Variants in LTBP1 observed in about 807,000 individuals in gnomAD.
LTBP1 encodes the protein latent transforming growth factor beta binding protein 1, also known as latent-transforming growth factor beta-binding protein 1.
Under a neutral mutation model 207.6 loss-of-function variants are expected in LTBP1, and 129 were observed. The observed-to-expected ratio is 0.62, with a 90% CI of 0.54 to 0.72. LTBP1 has a LOEUF of 0.72. LTBP1 is among the 30% of genes least tolerant of loss of function. The pLI is 0.00. For missense variants in LTBP1, 2,281 were observed against 2,217.2 expected (o/e 1.03, Z -0.58); for synonymous variants, 963 against 833.7 (o/e 1.16, Z -2.67).
chr2:33,092,118 T>A (rs1434181471), intron 3 of LTBP1, among the ~76,000 whole-genome samples: 1 of 152,120 alleles, frequency 6.6e-6, no homozygotes, highest in African/African-American at 2.4e-5. Context: ...GTTAAAAAAA[T>A]TATGGACCCC....
At chr2:33,312,628 CAT>C (rs1007791291) in intron 23 of LTBP1, among the ~76,000 whole-genome samples, 18 of 152,178 alleles carry the variant, frequency 1.2e-4, no homozygotes, top group African/African-American at 4.1e-4. Context: ...AAATTGAATG[CAT>C]ATGTTTCCCT....
chr2:33,130,513 CTGTT>C (rs1403479429), intron 4 of LTBP1, among the ~76,000 whole-genome samples: 1 of 152,188 alleles, frequency 6.6e-6, no homozygotes, highest in Non-Finnish European at 1.5e-5. Flanking sequence ...AGACTGATGT[CTGTT>C]TGTCAAGCAC....
intron 3 of LTBP1, among the ~76,000 whole-genome samples, chr2:33,021,474 G>A (rs550336476): frequency 3.3e-5 from 5 of 152,260 alleles, no homozygotes; most frequent in South Asian, 4.1e-4. Context: ...AAGACTGGAA[G>A]GGAATGATAA....
chr2:33,222,519 A>G (rs919269275), intron 9 of LTBP1, among the ~76,000 whole-genome samples: 3 of 152,200 alleles, frequency 2.0e-5, no homozygotes, highest in Non-Finnish European at 4.4e-5. Flanking sequence ...TTCATTGCCA[A>G]TGCATGGTTG....
chr2:33,215,293 G>T (rs759820479), intron 7 of LTBP1, among the ~76,000 whole-genome samples: 28 of 152,130 alleles, frequency 1.8e-4, no homozygotes, highest in Non-Finnish European at 3.8e-4. Context: ...GTAGGAAAAT[G>T]TCTAAGATAA....
intron 4 of LTBP1, among the ~76,000 whole-genome samples, chr2:33,118,966 AAAG>A (rs1298898211): frequency 1.3e-5 from 2 of 152,210 alleles, no homozygotes; most frequent in African/African-American, 4.8e-5. Context: ...TGAAAACAGC[AAAG>A]AAGAAAAACC....
rs183508152 is a variant in LTBP1 at position 33,024,238 on chromosome 2, T to C, written c.863+3032T>C. 1.5e-3 allele frequency among the ~76,000 whole-genome samples: 226 copies of C among 152,270 alleles called. 1 individual carries two copies. Among genetic ancestry groups the C allele is most frequent in the Middle Eastern group, 6.8e-3 (2 of 294 alleles). On this transcript the variant is annotated intron_variant, in intron 3 of 33. Transcript: ENST00000404816. ...ATAAATGACATAATTAAAATACACATTAGATATTCATAAGTGCTGTGGAGA... is the reference window on the plus strand; with the variant it reads ...ATAAATGACATAATTAAAATACACACTAGATATTCATAAGTGCTGTGGAGA...
intron 5 of LTBP1, among the ~76,000 whole-genome samples, chr2:33,175,221 A>G (rs1222703699): frequency 4.0e-5 from 6 of 151,410 alleles, no homozygotes; most frequent in Non-Finnish European, 8.9e-5. Flanking sequence ...TGAACAGGCA[A>G]CCTACAAAAT....
intron 7 of LTBP1, among the ~76,000 whole-genome samples, chr2:33,193,389 G>A (rs1344498989): frequency 6.6e-6 from 1 of 152,130 alleles, no homozygotes; most frequent in Non-Finnish European, 1.5e-5. Context: ...TGATCCACCC[G>A]CCTTGGCCTC....
intron 3 of LTBP1, among the ~76,000 whole-genome samples, chr2:33,104,362 T>TA (rs2079931524): frequency 6.6e-6 from 1 of 152,214 alleles, no homozygotes; most frequent in African/African-American, 2.4e-5. Context: ...TGTGTGTCAC[T>TA]AGTATCTCCC....
chr2:33,154,230 G>T (rs569601549), intron 5 of LTBP1, among the ~76,000 whole-genome samples: 177 of 152,030 alleles, frequency 1.2e-3, no homozygotes, highest in African/African-American at 4.2e-3. Context: ...TGATCTGTAT[G>T]GCATCTTTAA....
At chr2:32,959,681 C>T (rs1184848706) in intron 2 of LTBP1, among the ~76,000 whole-genome samples, 14 of 133,288 alleles carry the variant, frequency 1.1e-4, no homozygotes, top group African/African-American at 3.1e-4. Flanking sequence ...AGTGCAGTGG[C>T]GTGATCTCAG....
chr2:33,151,821 TTTTGTGTGTGTGTGTGTGTGTGTGTG>T (rs2083552816), intron 5 of LTBP1, among the ~76,000 whole-genome samples: 6 of 140,734 alleles, frequency 4.3e-5, no homozygotes, highest in Non-Finnish European at 7.6e-5. Flanking sequence ...TAGTATTCCA[TTTTGTGTGTGTGTGTGTGTGTGTGTG>T]TGTGTGTGTG....
intron 2 of LTBP1, among the ~76,000 whole-genome samples, chr2:33,004,833 A>G (rs1686592058): frequency 1.4e-5 from 2 of 147,554 alleles, no homozygotes; most frequent in African/African-American, 2.5e-5. Flanking sequence ...AATTTGTAAA[A>G]TAGTATTTAT....
intron 2 of LTBP1, among the ~76,000 whole-genome samples, chr2:33,018,266 C>A (rs1383156405): frequency 1.3e-5 from 2 of 151,588 alleles, no homozygotes; most frequent in Non-Finnish European, 2.9e-5. Flanking sequence ...AAAACAGGTT[C>A]TTGCGGCTCA....
chr2:33,138,726 T>C (rs1233489647), intron 5 of LTBP1, among the ~76,000 whole-genome samples: 1 of 152,178 alleles, frequency 6.6e-6, no homozygotes, highest in African/African-American at 2.4e-5. Flanking sequence ...TGTGGAGACA[T>C]TGAAAAGCAG....
intron 26 of LTBP1, among the ~76,000 whole-genome samples, chr2:33,359,598 A>G (rs1172180884): frequency 1.3e-5 from 2 of 152,228 alleles, no homozygotes; most frequent in African/African-American, 4.8e-5. Context: ...TCTAGTGGCA[A>G]TATTTCATTA....
intron 5 of LTBP1, among the ~76,000 whole-genome samples, chr2:33,163,621 G>A (rs72855711): frequency 0.062 from 9,482 of 152,082 alleles, 1,014 homozygotes; most frequent in African/African-American, 0.22. Flanking sequence ...GTTAGTTGCT[G>A]GACACCCTAA....
chr2:33,387,599 C>T (rs973967330), intron 31 of LTBP1, among the ~76,000 whole-genome samples: 2 of 152,182 alleles, frequency 1.3e-5, no homozygotes, highest in African/African-American at 4.8e-5. Context: ...TTGCTTTGGG[C>T]AGTTCTCAGA....
Sources: allele counts gnomAD v4.1 joint callset (sites outside exome capture counted in the v4.1 genomes callset), GRCh38; gene constraint gnomAD v4.1.1; transcripts MANE v1.5; gene names NCBI Gene and HGNC (gene_info 2026-07-23, HGNC 2026-07-21).